Variants in CENPW observed in about 807,000 individuals in gnomAD.
The protein encoded by CENPW is centromere protein W, also known as cancer-up-regulated gene 2 protein.
In CENPW, 3 loss-of-function variants were observed where a neutral mutation model predicts 11.1. The observed-to-expected ratio is 0.27, with a 90% CI of 0.12 to 0.70. CENPW has a LOEUF of 0.70. CENPW is among the 30% of genes least tolerant of loss of function. The probability of loss-of-function intolerance (pLI) is 0.77; values close to 1 mark genes in which losing one functional copy is unlikely to be tolerated. For synonymous variants in CENPW, 38 were observed against 42.0 expected, an observed-to-expected ratio of 0.91 and a Z score of 0.37; for missense variants, 100 against 105.6, an observed-to-expected ratio of 0.95 and a Z score of 0.23.
the CENPW span, among the ~76,000 whole-genome samples, chr6:126,366,024 TC>T: frequency 1.3e-5 from 2 of 152,194 alleles, no homozygotes; most frequent in Non-Finnish European, 2.9e-5. Flanking sequence ...TTAGTTTTTA[TC>T]CCTACTAGCA....
the CENPW span, among the ~76,000 whole-genome samples, chr6:126,464,360 G>A: frequency 1.3e-5 from 2 of 152,114 alleles, no homozygotes; most frequent in African/African-American, 4.8e-5. Flanking sequence ...AATATTGAGT[G>A]TAAACTTGAT....
At chr6:126,369,008 G>C in the CENPW span, among the ~76,000 whole-genome samples, 4 of 151,942 alleles carry the variant, frequency 2.6e-5, no homozygotes, top group African/African-American at 7.3e-5. Flanking sequence ...TCATAGCTTA[G>C]CTCCCACTTA....
At chr6:126,453,183 A>G in the CENPW span, among the ~76,000 whole-genome samples, 2 of 151,162 alleles carry the variant, frequency 1.3e-5, no homozygotes, top group Non-Finnish European at 3.0e-5. Context: ...TAGAGAGGCC[A>G]ACATTCAAAT....
the CENPW span, among the ~76,000 whole-genome samples, chr6:126,385,815 TC>T: frequency 6.6e-6 from 1 of 152,114 alleles, no homozygotes; most frequent in African/African-American, 2.4e-5. Flanking sequence ...GACTGAGGTT[TC>T]CCCAGCCTTG....
chr6:126,445,667 T>C, the CENPW span, among the ~76,000 whole-genome samples: 1 of 151,166 alleles, frequency 6.6e-6, no homozygotes, highest in Non-Finnish European at 1.5e-5. Context: ...AATGTGTATG[T>C]ATACACAGAA....
the CENPW span, among the ~76,000 whole-genome samples, chr6:126,403,092 C>T: frequency 6.6e-6 from 1 of 151,976 alleles, no homozygotes; most frequent in African/African-American, 2.4e-5. Flanking sequence ...ACAAATTATG[C>T]CCATACAAGA....
chr6:126,420,806 A>G, the CENPW span, among the ~76,000 whole-genome samples: 12 of 152,314 alleles, frequency 7.9e-5, no homozygotes, highest in African/African-American at 2.9e-4. Flanking sequence ...ATTGCATTAA[A>G]GTAGGGACAC....
chr6:126,480,195 G>C, the CENPW span, among the ~76,000 whole-genome samples: 4 of 151,860 alleles, frequency 2.6e-5, no homozygotes, highest in Non-Finnish European at 5.9e-5. Flanking sequence ...CACACACACA[G>C]AGAAATGAAA....
At chr6:126,470,372 C>T in the CENPW span, among the ~76,000 whole-genome samples, 27 of 152,314 alleles carry the variant, frequency 1.8e-4, no homozygotes, top group South Asian at 5.6e-3. Context: ...TGTGGGTGTG[C>T]AGAAGACAAG....
At chr6:126,411,349 T>C in the CENPW span, among the ~76,000 whole-genome samples, 1 of 152,192 alleles carries the variant, frequency 6.6e-6, no homozygotes, top group Non-Finnish European at 1.5e-5. Flanking sequence ...CTTTTATGTC[T>C]TTCTATTCCT....
the CENPW span, among the ~76,000 whole-genome samples, chr6:126,357,677 C>T: frequency 4.0e-5 from 6 of 151,358 alleles, no homozygotes; most frequent in African/African-American, 7.3e-5. Context: ...GGTGCAATTT[C>T]GGCTCACTGC....
the CENPW span, among the ~76,000 whole-genome samples, chr6:126,393,185 T>C: frequency 1.3e-5 from 2 of 151,938 alleles, no homozygotes; most frequent in African/African-American, 2.4e-5. Flanking sequence ...TTCTCATTTT[T>C]TTTAGTCTTG....
chr6:126,392,185 C>A, the CENPW span, among the ~76,000 whole-genome samples: 2 of 151,738 alleles, frequency 1.3e-5, no homozygotes, highest in African/African-American at 4.8e-5. Context: ...AGAAACCTTT[C>A]ACTTTGGTTA....
the CENPW span, among the ~76,000 whole-genome samples, chr6:126,357,984 A>G: frequency 6.6e-6 from 1 of 152,164 alleles, no homozygotes; most frequent in African/African-American, 2.4e-5. Context: ...GCTACCATAA[A>G]TGGGATTGTC....
At chr6:126,377,642 A>T in the CENPW span, among the ~76,000 whole-genome samples, 18 of 152,236 alleles carry the variant, frequency 1.2e-4, no homozygotes, top group East Asian at 3.5e-3. Flanking sequence ...AAAAACTCAG[A>T]CTTTTAAGAA....
At chr6:126,411,889 T>G in the CENPW span, among the ~76,000 whole-genome samples, 4 of 151,058 alleles carry the variant, frequency 2.6e-5, no homozygotes. Context: ...CCGTCCTTCC[T>G]ACCTTCCTTC....
the CENPW span, among the ~76,000 whole-genome samples, chr6:126,366,988 AAC>A: frequency 6.6e-6 from 1 of 152,070 alleles, no homozygotes; most frequent in Admixed American, 6.6e-5. Flanking sequence ...TCATGACCTA[AAC>A]ACCTCCCTTT....
chr6:126,442,278 T>A, the CENPW span, among the ~76,000 whole-genome samples: 1 of 151,674 alleles, frequency 6.6e-6, no homozygotes, highest in Non-Finnish European at 1.5e-5. Flanking sequence ...TTCATGATCT[T>A]AGCCCTTTTT....
At chr6:126,368,790 G>A in the CENPW span, among the ~76,000 whole-genome samples, 13 of 152,046 alleles carry the variant, frequency 8.6e-5, no homozygotes, top group East Asian at 1.4e-3. Context: ...GACTACAGGC[G>A]CCTGCCACCA....
Sources: allele counts gnomAD v4.1 joint callset (sites outside exome capture counted in the v4.1 genomes callset), GRCh38; gene constraint gnomAD v4.1.1; transcripts MANE v1.5; gene names NCBI Gene and HGNC (gene_info 2026-07-23, HGNC 2026-07-21).